Variants in ZNF524 observed in about 807,000 individuals in gnomAD.
The protein encoded by ZNF524 is zinc finger protein 524.
For synonymous variants in ZNF524, 194 were observed against 166.3 expected (o/e 1.17, Z -1.28); for missense variants, 388 against 380.1 (o/e 1.02, Z -0.17).
chr19:55,602,405 A>G lies in ZNF524; in HGVS notation c.293A>G (p.Glu98Gly). The G allele has an allele frequency of 6.3e-7, 1 of 1,585,810 alleles. No individual in the cohort carries two copies. Among genetic ancestry groups the G allele is most frequent in the African/African-American group, 1.3e-5 (1 of 74,226 alleles). ...CAGGGTGTGCCCTATACGGTCTCTG[A>G]AGGTTCAGCGGCTGGGCCTGAGGGC... is the stretch of plus-strand genomic sequence containing the variant. ...DDQGVPYTVS[E>G]GSAAGPEGSG... The change falls in exon 2 of 2, where the codon GAA (glutamate) becomes GGA (glycine). Residue 98 changes from glutamate to glycine, a missense_variant. Coordinates refer to ENST00000301073, the MANE Select transcript of ZNF524 (RefSeq NM_153219.4).
Position 55,602,122 on chromosome 19 carries a change from C to A in ZNF524, c.10C>A (p.Pro4Thr), listed in dbSNP as rs778781493. 1.3e-6 allele frequency: 2 copies of A among 1,537,426 alleles called. No individual in the cohort carries two copies. The highest frequency in any genetic ancestry group is 1.3e-5 in the South Asian group (1 of 78,492). Residue 4 changes from proline (P) to threonine (T), a missense_variant, in exon 2 of 2, where the codon CCC becomes ACC. Pro to Thr is a conservative substitution (Grantham distance 38). Transcript: ENST00000301073. MDT[P>T]SPDPLPSPLP... Reference sequence around the variant, plus strand: ...AGCCCCCCACTGCTCAATGGACACCCCCAGCCCAGACCCGTTGCCTTCGCC... The same window carrying A: ...AGCCCCCCACTGCTCAATGGACACCACCAGCCCAGACCCGTTGCCTTCGCC...
rs767264561 is a variant in ZNF524, at chr19:55,602,197, CGGG to C, written c.87_89del (p.Gly30del). On this transcript the variant is annotated inframe_deletion, in exon 2 of 2. Coordinates refer to ENST00000301073, the MANE Select transcript of ZNF524 (RefSeq NM_153219.4). ...TCTGGCCTTATCTCCTCCTGTTCCC[CGGG>C]GCCGCCGAGGCCGTCGTCCTGGGGG... 8.1e-6 allele frequency: 13 copies of C among 1,611,528 alleles called. No individual in the cohort carries two copies. The African/African-American group carries it at 1.6e-4, about 20-fold the overall frequency.
chr19:55,602,570 G>T lies in ZNF524; in HGVS notation c.458G>T (p.Arg153Leu). Residue 153 changes from arginine (R) to leucine (L), a missense_variant, in exon 2 of 2, where the codon CGC becomes CTC. Arg to Leu is a moderately radical substitution (Grantham distance 102). Transcript: ENST00000301073. ...AAGGTTTGCGGCAAGACCTTCAAGC[G>T]CTCCAGCCACCTGCGGCGGCACTGC... is the stretch of plus-strand genomic sequence containing the variant. ...QCKVCGKTFK[R>L]SSHLRRHCNI... 1 of 1,587,426 alleles carries T rather than the reference G, an allele frequency of 6.3e-7. No individual in the cohort carries two copies. Among genetic ancestry groups the T allele is most frequent in the Non-Finnish European group, 8.5e-7 (1 of 1,173,070 alleles).
rs760976241 is a variant in ZNF524 at position 55,602,419 on chromosome 19, G to A, written c.307G>A (p.Gly103Arg). The A allele has an allele frequency of 2.5e-6, 4 of 1,591,044 alleles. No homozygotes were observed. In the South Asian group the frequency reaches 4.5e-5, roughly 18 times the overall value. The part of the protein sequence containing the change: ...PYTVSEGSAA[G>R]PEGSGPRKAP... Reference sequence around the variant, plus strand: ...TACGGTCTCTGAAGGTTCAGCGGCTGGGCCTGAGGGCTCTGGCCCCAGGAA... The same window carrying A: ...TACGGTCTCTGAAGGTTCAGCGGCTAGGCCTGAGGGCTCTGGCCCCAGGAA... The change falls in exon 2 of 2, where the codon GGG (glycine) becomes AGG (arginine). Residue 103 changes from glycine to arginine, a missense_variant. Physicochemically the swap from Gly to Arg is moderately radical, Grantham distance 125. Transcript: ENST00000301073.
At position 55,602,094 on chromosome 19, in the gene ZNF524, C is replaced by G. The variant is rs753147081; in HGVS notation, c.-19C>G. ...TCTTAGCTGGCTCCAGTGCCCAGAC[C>G]CAAGCCCCCCACTGCTCAATGGACA... On this transcript the variant is annotated 5_prime_UTR_variant, in exon 2 of 2. Coordinates refer to ENST00000301073, the MANE Select transcript of ZNF524 (RefSeq NM_153219.4). 1.3e-6 allele frequency: 2 copies of G among 1,518,070 alleles called. No homozygotes were observed. The highest frequency in any genetic ancestry group is 4.4e-5 in the Admixed American group (2 of 45,044). The allele number at this position is 1,518,070 out of a possible 1,614,324, so 94.0% of individuals were successfully genotyped here.
At chr19:55,599,939 A>C (rs1423054), upstream of ZNF524, 110,052 of 152,116 alleles carry the variant, frequency 0.72, 40,081 homozygotes, top group East Asian at 0.84. Flanking sequence ...CATCTTATCC[A>C]CTTAGCACTC....
Position 55,602,805 on chromosome 19 carries a change from A to G in ZNF524, c.693A>G (p.Ala231=), listed in dbSNP as rs756567526. ...HPEAMGVPLC[A]PDPGSEPPWD... ...AGGCCATGGGGGTACCCCTGTGTGC[A>G]CCAGATCCAGGGTCTGAACCGCCGT... The change falls in exon 2 of 2, where the codon GCA becomes GCG. Residue 231 remains alanine, a synonymous_variant. Transcript: ENST00000301073. 1 of 1,611,230 alleles carries G rather than the reference A, an allele frequency of 6.2e-7. No individual in the cohort carries two copies. The highest frequency in any genetic ancestry group is 1.1e-5 in the South Asian group (1 of 90,964).
chr19:55,601,125 C>T (rs764869515), intron 1 of ZNF524: 3 of 152,246 alleles, frequency 2.0e-5, no homozygotes, highest in Non-Finnish European at 4.4e-5. Flanking sequence ...AAACCCAGGA[C>T]TGAGCCCTCG....
rs746519872 is a variant in ZNF524, at chr19:55,602,830, T to C, written c.718T>C (p.Trp240Arg). ...CAPDPGSEPP[W>R]DEEGIPATAG... is the part of the protein sequence containing the mutation. ...ACCAGATCCAGGGTCTGAACCGCCG[T>C]GGGACGAGGAGGGCATCCCGGCCAC... Residue 240 changes from tryptophan (W) to arginine (R), a missense_variant, in exon 2 of 2, where the codon TGG becomes CGG. Transcript: ENST00000301073. 1 of 1,610,176 alleles carries C rather than the reference T, an allele frequency of 6.2e-7. No individual in the cohort carries two copies. Among genetic ancestry groups the C allele is most frequent in the Admixed American group, 1.7e-5 (1 of 59,596 alleles).
chr19:55,600,688 G>A (rs889832600), intron 1 of ZNF524: 3 of 152,220 alleles, frequency 2.0e-5, no homozygotes, highest in Non-Finnish European at 4.4e-5. Context: ...CGAGGGGACG[G>A]GGAGGGTCGG....
At chr19:55,600,515 C>G (rs1381476437) in intron 1 of ZNF524, 107 bp downstream of exon 1, 1 of 150,330 alleles carries the variant, frequency 6.7e-6, no homozygotes, top group Non-Finnish European at 1.5e-5. Context: ...TGCTCCCGCG[C>G]TCGCGCCCCG....
At position 55,602,813 on chromosome 19, in the gene ZNF524, C is replaced by T; in HGVS notation, c.701C>T (p.Pro234Leu). The change falls in exon 2 of 2, where the codon CCA (proline) becomes CTA (leucine). Residue 234 changes from proline to leucine, a missense_variant. Physicochemically the swap from Pro to Leu is moderately conservative, Grantham distance 98. Transcript: ENST00000301073. ...AMGVPLCAPD[P>L]GSEPPWDEEG... is the part of the protein sequence containing the mutation. ...GGGGTACCCCTGTGTGCACCAGATC[C>T]AGGGTCTGAACCGCCGTGGGACGAG... The T allele has an allele frequency of 6.2e-7, 1 of 1,611,200 alleles. No homozygotes were observed. Among genetic ancestry groups the T allele is most frequent in the African/African-American group, 1.3e-5 (1 of 75,072 alleles).
At chr19:55,601,172 C>T (rs1980662543) in intron 1 of ZNF524, 1 of 152,188 alleles carries the variant, frequency 6.6e-6, no homozygotes, top group African/African-American at 2.4e-5. Flanking sequence ...ATTTGTTCTC[C>T]ATTCTCTGGG....
intron 1 of ZNF524, 133 bp downstream of exon 1, chr19:55,600,541 G>T (rs1980616688): frequency 6.6e-6 from 1 of 150,482 alleles, no homozygotes; most frequent in Non-Finnish European, 1.5e-5. Flanking sequence ...CCGTCCGGGC[G>T]CGCGCGCGCA....
intron 1 of ZNF524, 153 bp from the exon 2 acceptor site, chr19:55,601,922 T>A (rs980953635): frequency 2.1e-6 from 1 of 475,266 alleles, no homozygotes; most frequent in African/African-American, 2.0e-5. Flanking sequence ...CATCTCACTG[T>A]TTTACCCACC....
chr19:55,600,655 C>A (rs1439442023), intron 1 of ZNF524: 1 of 152,104 alleles, frequency 6.6e-6, no homozygotes, highest in Non-Finnish European at 1.5e-5. Context: ...GCTCGGGGGC[C>A]GATGGGCGCG....
At chr19:55,599,738 C>CT (rs941793793), upstream of ZNF524, 5 of 152,472 alleles carry the variant, frequency 3.3e-5, no homozygotes, top group Admixed American at 3.3e-4. Context: ...GCCATACAGA[C>CT]TAAGGGCAAG....
chr19:55,602,587 C>T lies in ZNF524; in HGVS notation c.475C>T (p.Arg159Trp), dbSNP rs761190013. Residue 159 changes from arginine (R) to tryptophan (W), a missense_variant, in exon 2 of 2, where the codon CGG becomes TGG. Transcript: ENST00000301073. Reference sequence around the variant, plus strand: ...CTTCAAGCGCTCCAGCCACCTGCGGCGGCACTGCAACATCCATGCCGGCCT... The same window carrying T: ...CTTCAAGCGCTCCAGCCACCTGCGGTGGCACTGCAACATCCATGCCGGCCT... ...KTFKRSSHLR[R>W]HCNIHAGLRP... is the part of the protein sequence containing the mutation. 2 of 1,584,248 alleles carry T rather than the reference C, an allele frequency of 1.3e-6. No homozygotes were observed. Among genetic ancestry groups the T allele is most frequent in the Non-Finnish European group, 8.5e-7 (1 of 1,171,558 alleles).
Position 55,602,790 on chromosome 19 carries a change from G to T in ZNF524, c.678G>T (p.Gly226=). ...HAKRKHPEAM[G]VPLCAPDPGS... is the part of the protein sequence containing the mutation. ...AGCGCAAGCACCCGGAGGCCATGGG[G>T]GTACCCCTGTGTGCACCAGATCCAG... The change falls in exon 2 of 2, where the codon GGG becomes GGT. Residue 226 remains glycine, a synonymous_variant. Coordinates refer to ENST00000301073, the MANE Select transcript of ZNF524 (RefSeq NM_153219.4). The T allele has an allele frequency of 6.2e-7, 1 of 1,611,238 alleles. No homozygotes were observed. The highest frequency in any genetic ancestry group is 8.5e-7 in the Non-Finnish European group (1 of 1,179,808).
Sources: gnomAD v4.1 joint callset for allele counts on GRCh38, gnomAD v4.1.1 for gene constraint, MANE v1.5 for transcripts, NCBI Gene and HGNC (gene_info 2026-07-23, HGNC 2026-07-21) for gene names.